The following DSCAM variants were observed in gnomAD, a reference collection of about 807,000 sequenced individuals.
The protein encoded by DSCAM is cell adhesion molecule DSCAM.
A neutral mutation model predicts 217.7 loss-of-function variants in DSCAM; 47 were observed. The observed-to-expected ratio is 0.22, with a 90% CI of 0.17 to 0.28. The LOEUF is 0.28. DSCAM is among the 10% of genes least tolerant of loss of function. The pLI is 1.00. For synonymous variants in DSCAM, 1,056 were observed against 1,015.3 expected (o/e 1.04, Z -0.76); for missense variants, 2,080 against 2,618.3 (o/e 0.79, Z 4.49).
At chr21:40,171,817 A>G (rs1442411157) in intron 15 of DSCAM, among the ~76,000 whole-genome samples, 4 of 152,164 alleles carry the variant, frequency 2.6e-5, no homozygotes, top group African/African-American at 7.2e-5. Flanking sequence ...TAATTTTTTC[A>G]TAGGTTATCA....
chr21:40,150,187 T>C (rs1033772934), intron 16 of DSCAM, among the ~76,000 whole-genome samples: 1 of 152,238 alleles, frequency 6.6e-6, no homozygotes, highest in East Asian at 1.9e-4. Context: ...TCAAGGCAAG[T>C]ACAGGGTAGG....
At chr21:40,700,551 T>C (rs924509930) in intron 2 of DSCAM, among the ~76,000 whole-genome samples, 3 of 152,128 alleles carry the variant, frequency 2.0e-5, no homozygotes, top group Non-Finnish European at 2.9e-5. Context: ...TTATATGTTG[T>C]TGGATTCAAT....
At chr21:40,314,478 G>A (rs1240743195) in intron 8 of DSCAM, among the ~76,000 whole-genome samples, 3 of 152,146 alleles carry the variant, frequency 2.0e-5, no homozygotes, top group Non-Finnish European at 2.9e-5. Context: ...GGAGAGAATC[G>A]GGTCAGACTG....
At chr21:40,582,369 A>G (rs996970349) in intron 3 of DSCAM, among the ~76,000 whole-genome samples, 2 of 152,204 alleles carry the variant, frequency 1.3e-5, no homozygotes, top group African/African-American at 4.8e-5. Flanking sequence ...TGTGAGTCCA[A>G]AAATGGGACA....
At chr21:40,252,412 C>T (rs2073316918) in intron 11 of DSCAM, among the ~76,000 whole-genome samples, 1 of 152,126 alleles carries the variant, frequency 6.6e-6, no homozygotes. Context: ...CATTGTCTCA[C>T]ATGAATTTTA....
At chr21:40,135,117 C>G (rs532497151) in intron 18 of DSCAM, among the ~76,000 whole-genome samples, 24 of 152,182 alleles carry the variant, frequency 1.6e-4, no homozygotes, top group Non-Finnish European at 2.8e-4. Context: ...GCCTTCAGAG[C>G]ATGAGAAGGG....
At chr21:40,512,494 TAGG>T (rs752655611) in intron 3 of DSCAM, among the ~76,000 whole-genome samples, 1 of 152,064 alleles carries the variant, frequency 6.6e-6, no homozygotes, top group Non-Finnish European at 1.5e-5. Context: ...TCAAAGCCTG[TAGG>T]AGAAGTGGGA....
At chr21:40,769,188 C>G (rs954900368) in intron 1 of DSCAM, among the ~76,000 whole-genome samples, 2 of 146,366 alleles carry the variant, frequency 1.4e-5, no homozygotes, top group Non-Finnish European at 3.0e-5. Flanking sequence ...CATTCCAGAA[C>G]AAGGATTGAC....
intron 3 of DSCAM, among the ~76,000 whole-genome samples, chr21:40,388,867 C>T (rs2075109971): frequency 6.6e-6 from 1 of 152,136 alleles, no homozygotes; most frequent in Non-Finnish European, 1.5e-5. Flanking sequence ...CCCACATTTT[C>T]CCACTTAGTA....
intron 3 of DSCAM, among the ~76,000 whole-genome samples, chr21:40,504,431 A>C (rs931238599): frequency 1.1e-4 from 16 of 152,136 alleles, no homozygotes; most frequent in Non-Finnish European, 2.1e-4. Flanking sequence ...CTCCCTCGGG[A>C]GAACAGTCCA....
intron 1 of DSCAM, among the ~76,000 whole-genome samples, chr21:40,765,311 C>T (rs1010779278): frequency 6.6e-6 from 1 of 152,130 alleles, no homozygotes; most frequent in African/African-American, 2.4e-5. Flanking sequence ...CATGAAGGCA[C>T]TGCCTGGCCC....
chr21:40,364,192 T>G (rs1263930453), intron 4 of DSCAM, among the ~76,000 whole-genome samples: 10 of 152,092 alleles, frequency 6.6e-5, no homozygotes, highest in East Asian at 1.9e-4. Context: ...ATACCCAAAG[T>G]AATATAAATC....
intron 11 of DSCAM, among the ~76,000 whole-genome samples, chr21:40,221,198 A>G (rs918983789): frequency 2.0e-5 from 3 of 151,956 alleles, no homozygotes; most frequent in Non-Finnish European, 4.4e-5. Flanking sequence ...GAGTGAAACC[A>G]TGAATAATAG....
At chr21:40,014,670 G>A (rs1485251744) in intron 32 of DSCAM, among the ~76,000 whole-genome samples, 1 of 152,130 alleles carries the variant, frequency 6.6e-6, no homozygotes, top group African/African-American at 2.4e-5. Flanking sequence ...TCCTCTCACA[G>A]GTGTCGGACC....
At chr21:40,161,323 C>T (rs945653906) in intron 16 of DSCAM, among the ~76,000 whole-genome samples, 64 of 152,054 alleles carry the variant, frequency 4.2e-4, no homozygotes, top group African/African-American at 1.5e-3. Flanking sequence ...TAAATAAACA[C>T]CATGGCTTCA....
At chr21:40,572,016 G>C (rs1339955165) in intron 3 of DSCAM, among the ~76,000 whole-genome samples, 1 of 152,042 alleles carries the variant, frequency 6.6e-6, no homozygotes, top group Non-Finnish European at 1.5e-5. Flanking sequence ...AATCCTAAAA[G>C]ATCTGAAATC....
intron 1 of DSCAM, among the ~76,000 whole-genome samples, chr21:40,741,301 T>C (rs1014580899): frequency 5.9e-5 from 9 of 152,184 alleles, no homozygotes; most frequent in African/African-American, 1.7e-4. Context: ...GGGATACAAT[T>C]ATATATTTAA....
At chr21:40,529,491 A>G (rs1434217568) in intron 3 of DSCAM, among the ~76,000 whole-genome samples, 1 of 151,946 alleles carries the variant, frequency 6.6e-6, no homozygotes, top group South Asian at 2.1e-4. Context: ...AAGCACATGG[A>G]CCTCCTTCAT....
chr21:40,663,599 G>A (rs765522483), intron 3 of DSCAM, among the ~76,000 whole-genome samples: 59 of 152,244 alleles, frequency 3.9e-4, no homozygotes, highest in South Asian at 1.0e-3. Flanking sequence ...ATGGTGACTC[G>A]TTCACAGATA....
Sources: gnomAD v4.1 joint callset for allele counts (sites outside exome capture counted in the v4.1 genomes callset) on GRCh38, gnomAD v4.1.1 for gene constraint, MANE v1.5 for transcripts, NCBI Gene and HGNC (gene_info 2026-07-23, HGNC 2026-07-21) for gene names.